SPATA13: variants seen among roughly 807,000 people sequenced by gnomAD.
SPATA13 encodes spermatogenesis-associated protein 13.
In SPATA13, 50 loss-of-function variants were observed where a neutral mutation model predicts 104.0. The observed-to-expected ratio is 0.48, with a 90% CI of 0.38 to 0.61. SPATA13 has a LOEUF of 0.61. Among genes scored for constraint, SPATA13 ranks in the 20% least tolerant of loss-of-function variants. The pLI is 0.00. For missense variants in SPATA13, 1,524 were observed against 1,690.6 expected (o/e 0.90, Z 1.73); for synonymous variants, 606 against 667.5 (o/e 0.91, Z 1.42).
At chr13:24,090,792 C>T (rs1435093664) in intron 3 of SPATA13, among the ~76,000 whole-genome samples, 1 of 152,244 alleles carries the variant, frequency 6.6e-6, no homozygotes, top group Non-Finnish European at 1.5e-5. Flanking sequence ...GCCCCTTGGA[C>T]AGTTTCTATT....
At chr13:24,221,689 G>A (rs1293654304) in intron 1 of SPATA13, among the ~76,000 whole-genome samples, 6 of 152,122 alleles carry the variant, frequency 3.9e-5, no homozygotes, top group Non-Finnish European at 7.4e-5. Flanking sequence ...AGGTATTGGG[G>A]GAAGGTGTGG....
Position 24,205,735 on chromosome 13 carries a change from C to T in SPATA13, c.-111-17084C>T, listed in dbSNP as rs1870665992. ...CACATGGTACTGGTACAAGAACAGA[C>T]AAATAGACAAATGGAACAGAATAGA... On this transcript the variant is annotated intron_variant, in intron 1 of 12. Transcript: ENST00000382108. The surrounding 1 kb of genome is among the most constrained non-coding windows in gnomAD (Gnocchi z 4.1). 6.6e-6 allele frequency among the ~76,000 whole-genome samples: 1 copy of T among 152,022 alleles called. No individual in the cohort carries two copies. Among genetic ancestry groups the T allele is most frequent in the Non-Finnish European group, 1.5e-5 (1 of 68,004 alleles).
intron 4 of SPATA13, among the ~76,000 whole-genome samples, chr13:24,267,585 T>A (rs1874354938): frequency 6.6e-6 from 1 of 152,186 alleles, no homozygotes; most frequent in South Asian, 2.1e-4. Context: ...CAAGAGAGCT[T>A]TTGCTTTTTG....
At chr13:24,036,005 C>A (rs1203073410) in intron 3 of SPATA13, among the ~76,000 whole-genome samples, 1 of 129,240 alleles carries the variant, frequency 7.7e-6, no homozygotes, top group Admixed American at 8.4e-5. Context: ...CAGAGTAAGA[C>A]CCTGTCTCAA....
chr13:24,004,246 A>C (rs1169194895), intron 2 of SPATA13, among the ~76,000 whole-genome samples: 3 of 152,172 alleles, frequency 2.0e-5, no homozygotes, highest in African/African-American at 7.2e-5. Flanking sequence ...CAGATACACA[A>C]TTTTGCTCTG....
At chr13:24,071,567 C>T (rs1226069183) in intron 3 of SPATA13, among the ~76,000 whole-genome samples, 7 of 152,188 alleles carry the variant, frequency 4.6e-5, no homozygotes, top group African/African-American at 7.2e-5. Flanking sequence ...AAAACCAGCA[C>T]GCAGAGATGT....
intron 1 of SPATA13, among the ~76,000 whole-genome samples, chr13:24,162,977 G>A (rs181393692): frequency 6.6e-6 from 1 of 152,380 alleles, no homozygotes; most frequent in East Asian, 1.9e-4. Context: ...GTAGGACAGT[G>A]CATGGAGAAA....
At chr13:24,222,032 C>G (rs1003960509) in intron 1 of SPATA13, among the ~76,000 whole-genome samples, 2 of 152,080 alleles carry the variant, frequency 1.3e-5, no homozygotes, top group Non-Finnish European at 2.9e-5. Context: ...AGGCTGGTCT[C>G]GAACGTCTGA....
rs769050534 is a variant in SPATA13 at position 24,294,805 on chromosome 13, C to T, written c.3147C>T (p.Arg1049=). Residue 1049 remains arginine (R), a synonymous_variant, in exon 10 of 13, where the codon CGC becomes CGT. Coordinates refer to ENST00000382108, the MANE Select transcript of SPATA13 (RefSeq NM_001166271.3). ...MKNVACLINE[R]KRKLESIDKI... is the part of the protein sequence containing the mutation. ...ATGTGGCCTGTCTGATCAACGAGCG[C>T]AAGCGCAAGCTGGAGAGCATCGACA... 3 of 1,611,584 alleles carry T rather than the reference C, an allele frequency of 1.9e-6. No individual in the cohort carries two copies. The highest frequency in any genetic ancestry group is 2.2e-5 in the South Asian group (2 of 91,010).
At chr13:24,227,522 AATTTGCCTCCAGAT>A (rs1391228152) in intron 2 of SPATA13, among the ~76,000 whole-genome samples, 1 of 152,154 alleles carries the variant, frequency 6.6e-6, no homozygotes, top group East Asian at 1.9e-4. Flanking sequence ...TAATTCTACG[AATTTGCCTCCAGAT>A]ATTCATCACA....
chr13:24,294,968 A>G (rs1876664061), intron 10 of SPATA13, 100 bp downstream of exon 10: 1 of 1,293,236 alleles, frequency 7.7e-7, no homozygotes, highest in Non-Finnish European at 1.1e-6. Context: ...AATATCTTAT[A>G]TTCTTGGCTT....
rs1189293603 is a variant in SPATA13 at position 24,059,449 on chromosome 13, T to A, written c.-112+41748T>A. Among the ~76,000 whole-genome samples, 28 of 146,642 alleles carry A rather than the reference T, an allele frequency of 1.9e-4. 1 individual carries two copies. The highest frequency in any genetic ancestry group is 1.7e-3 in the Admixed American group (26 of 14,884). On this transcript the variant is annotated intron_variant, in intron 3 of 14. Transcript: ENST00000424834. Reference sequence around the variant, plus strand: ...CTCACTGGCTACACTTGAATCCAAATAGGCTTTGGCTGTATTGAAAAGACA... The same window carrying A: ...CTCACTGGCTACACTTGAATCCAAAAAGGCTTTGGCTGTATTGAAAAGACA...
At chr13:24,124,447 A>G (rs1401565959) in intron 3 of SPATA13, among the ~76,000 whole-genome samples, 1 of 152,206 alleles carries the variant, frequency 6.6e-6, no homozygotes, top group Admixed American at 6.5e-5. Context: ...AGGTGGATAG[A>G]AGGGCAAGGT....
chr13:24,286,555 A>C lies in SPATA13; in HGVS notation c.2481+162A>C, dbSNP rs1360890859. 6.6e-6 allele frequency among the ~76,000 whole-genome samples: 1 copy of C among 151,850 alleles called. No individual in the cohort carries two copies. The highest frequency in any genetic ancestry group is 1.5e-5 in the Non-Finnish European group (1 of 67,964). ...AGGCTGGGTCGGAGCAAAAATGTTA[A>C]AGGCAGGCAAGCGAGTTGCTCGGTG... is the stretch of plus-strand genomic sequence containing the variant. On this transcript the variant is annotated intron_variant, in intron 6 of 12. Coordinates refer to ENST00000382108, the MANE Select transcript of SPATA13 (RefSeq NM_001166271.3). The surrounding 1 kb of genome is among the most constrained non-coding windows in gnomAD (Gnocchi z 4.9).
chr13:24,135,218 G>GAAAA (rs34924085), intron 3 of SPATA13, among the ~76,000 whole-genome samples: 1 of 106,382 alleles, frequency 9.4e-6, no homozygotes, highest in East Asian at 2.6e-4. Context: ...CTCATTATTC[G>GAAAA]AAAAAAAAAA....
intron 3 of SPATA13, among the ~76,000 whole-genome samples, chr13:24,129,800 C>G (rs1214834952): frequency 6.6e-6 from 1 of 152,208 alleles, no homozygotes; most frequent in Non-Finnish European, 1.5e-5. Context: ...CTGCCTCAGT[C>G]CCTGTATGGT....
chr13:24,063,670 T>A lies in SPATA13; in HGVS notation c.-112+45969T>A, dbSNP rs1162863129. Among the ~76,000 whole-genome samples, 3 of 152,122 alleles carry A rather than the reference T, an allele frequency of 2.0e-5. No individual in the cohort carries two copies. In the East Asian group the frequency reaches 5.8e-4, roughly 29 times the overall value. ...AGTGGGGGCGGCTCCTTCTCCCACATCCTCTTCAGCTCAGGGTCAGGAGGA... is the reference window on the plus strand; with the variant it reads ...AGTGGGGGCGGCTCCTTCTCCCACAACCTCTTCAGCTCAGGGTCAGGAGGA... On this transcript the variant is annotated intron_variant, in intron 3 of 14. Transcript: ENST00000424834.
chr13:24,130,013 G>A (rs1881342282), intron 3 of SPATA13, among the ~76,000 whole-genome samples: 3 of 152,216 alleles, frequency 2.0e-5, no homozygotes, highest in African/African-American at 7.2e-5. Context: ...GCAAAGAGGT[G>A]GGTGAGGTAG....
intron 1 of SPATA13, among the ~76,000 whole-genome samples, chr13:23,981,047 A>G (rs1163797799): frequency 6.6e-6 from 1 of 152,190 alleles, no homozygotes; most frequent in Non-Finnish European, 1.5e-5. Context: ...TACTAACCAA[A>G]AACATTTGCA....
Sources: gnomAD v4.1 joint callset for allele counts (sites outside exome capture counted in the v4.1 genomes callset) on GRCh38, gnomAD v4.1.1 for gene constraint, Gnocchi (gnomAD v3.1) non-coding constraint, MANE v1.5 for transcripts, NCBI Gene and HGNC (gene_info 2026-07-23, HGNC 2026-07-21) for gene names.